The following DMXL2 variants were observed in gnomAD, a reference collection of about 807,000 sequenced individuals.
DMXL2 encodes the protein Dmx like 2.
Under a neutral mutation model 331.1 loss-of-function variants are expected in DMXL2, and 103 were observed. That is an observed-to-expected ratio of 0.31 (90% CI 0.27 to 0.37). DMXL2 has a LOEUF of 0.37. DMXL2 is among the 10% of genes least tolerant of loss of function. The pLI is 1.00. For missense variants in DMXL2, 3,171 were observed against 3,642.9 expected (o/e 0.87, Z 3.33); for synonymous variants, 1,281 against 1,252.1 (o/e 1.02, Z -0.49).
At chr15:51,601,066 C>T (rs150844056) in intron 1 of DMXL2, among the ~76,000 whole-genome samples, 3,906 of 151,996 alleles carry the variant, frequency 0.026, 170 homozygotes, top group African/African-American at 0.089. Context: ...CCGAGGCGGG[C>T]GGATCACAAG....
intron 13 of DMXL2, among the ~76,000 whole-genome samples, chr15:51,525,524 C>A (rs1053642834): frequency 6.6e-6 from 1 of 152,112 alleles, no homozygotes; most frequent in Non-Finnish European, 1.5e-5. Flanking sequence ...CTGGCTCTTA[C>A]AGCATTTCTG....
chr15:51,478,389 T>C, intron 25 of DMXL2, 42 bp from the exon 26 acceptor site: 1 of 1,542,394 alleles, frequency 6.5e-7, no homozygotes, highest in Non-Finnish European at 8.9e-7. Context: ...TACTAACATT[T>C]CTACACAACA....
At chr15:51,450,837 T>C (rs2039069648) in intron 42 of DMXL2, among the ~76,000 whole-genome samples, 1 of 152,258 alleles carries the variant, frequency 6.6e-6, no homozygotes, top group Non-Finnish European at 1.5e-5. Flanking sequence ...CAAATTAACA[T>C]GCAGAAAATC....
chr15:51,542,579 T>A, intron 8 of DMXL2, 72 bp from the exon 9 acceptor site: 12 of 1,151,614 alleles, frequency 1.0e-5, no homozygotes, highest in Non-Finnish European at 1.3e-5. Context: ...TACTCTTAAT[T>A]ATTAAGAGGT....
chr15:51,500,740 A>G (rs1290573080), intron 17 of DMXL2, among the ~76,000 whole-genome samples: 1 of 152,206 alleles, frequency 6.6e-6, no homozygotes, highest in Non-Finnish European at 1.5e-5. Context: ...AAACAGACCA[A>G]TAGATCTTAC....
chr15:51,483,450 T>C (rs1475135489), intron 23 of DMXL2, among the ~76,000 whole-genome samples: 1 of 152,136 alleles, frequency 6.6e-6, no homozygotes, highest in Non-Finnish European at 1.5e-5. Context: ...GGCAGGGAAA[T>C]CAACCCCTAC....
chr15:51,482,352 T>C (rs1332189209), intron 23 of DMXL2, among the ~76,000 whole-genome samples: 1 of 152,144 alleles, frequency 6.6e-6, no homozygotes, highest in Non-Finnish European at 1.5e-5. Flanking sequence ...TATATGCACA[T>C]AGATAGCAAA....
chr15:51,541,835 TA>T (rs1022630693), intron 9 of DMXL2, among the ~76,000 whole-genome samples: 1 of 152,054 alleles, frequency 6.6e-6, no homozygotes, highest in African/African-American at 2.4e-5. Flanking sequence ...CTCAGTCACA[TA>T]GGGGAAAAAG....
In DMXL2 at chr15:51,480,178, A is replaced by T. The variant is rs2041906341; in HGVS notation, c.6565-39T>A. 6 of 1,467,884 alleles carry T rather than the reference A, an allele frequency of 4.1e-6. No homozygotes were observed. The Admixed American group carries it at 6.8e-5, about 17-fold the overall frequency. The allele number at this position is 1,467,884 out of a possible 1,614,324, so 90.9% of individuals were successfully genotyped here. On this transcript the variant is annotated intron_variant, in intron 24 of 43. Coordinates refer to ENST00000560891, the MANE Select transcript of DMXL2 (RefSeq NM_001378457.1). ...TGAATTATTTTTTTCAAAGTAGTTT[A>T]AAAAATTTTATCAGTTCTCTGACAG...
intron 42 of DMXL2, chr15:51,450,566 G>T: frequency 3.8e-6 from 2 of 528,510 alleles, no homozygotes; most frequent in Non-Finnish European, 6.8e-6. Context: ...AATATGAAAT[G>T]AACACAGAGA....
chr15:51,454,686 G>A (rs185438279), intron 40 of DMXL2, among the ~76,000 whole-genome samples: 2 of 152,108 alleles, frequency 1.3e-5, no homozygotes, highest in East Asian at 3.9e-4. Context: ...TAGTAGAGAG[G>A]GGGTTTCACC....
intron 1 of DMXL2, among the ~76,000 whole-genome samples, chr15:51,585,358 A>G (rs1267801949): frequency 6.6e-6 from 1 of 150,440 alleles, no homozygotes; most frequent in Non-Finnish European, 1.5e-5. Context: ...AATTTTGTCA[A>G]AGGCTTTTTC....
At chr15:51,545,195 C>G (rs2048824283) in intron 8 of DMXL2, among the ~76,000 whole-genome samples, 1 of 151,982 alleles carries the variant, frequency 6.6e-6, no homozygotes, top group Admixed American at 6.6e-5. Context: ...AGATTTTAAT[C>G]TTTATGAAAC....
At chr15:51,597,258 T>A (rs2141285019) in intron 1 of DMXL2, among the ~76,000 whole-genome samples, 1 of 152,264 alleles carries the variant, frequency 6.6e-6, no homozygotes, top group South Asian at 2.1e-4. Context: ...ACTCAAAAGA[T>A]TATCTGTCCC....
At chr15:51,520,423 T>G (rs1171038112) in intron 13 of DMXL2, among the ~76,000 whole-genome samples, 1 of 152,216 alleles carries the variant, frequency 6.6e-6, no homozygotes. Context: ...ACATTTTGTT[T>G]TATTTTAAAC....
intron 15 of DMXL2, among the ~76,000 whole-genome samples, chr15:51,508,922 A>G (rs943644059): frequency 4.6e-5 from 7 of 152,256 alleles, no homozygotes; most frequent in African/African-American, 1.4e-4. Context: ...TTTAAGATCA[A>G]TAATATTCAA....
intron 1 of DMXL2, among the ~76,000 whole-genome samples, chr15:51,580,873 A>G (rs2051362591): frequency 6.6e-6 from 1 of 151,250 alleles, no homozygotes; most frequent in African/African-American, 2.5e-5. Flanking sequence ...TCCTATTAGG[A>G]AAGAGAAAAG....
chr15:51,536,995 C>T lies in DMXL2; in HGVS notation c.1618-133G>A, dbSNP rs1043639027. 4.2e-5 allele frequency: 32 copies of T among 758,662 alleles called. No homozygotes were observed. In the African/African-American group the frequency reaches 4.9e-4, roughly 12 times the overall value. The allele number at this position is 758,662 out of a possible 1,614,324, so 47.0% of individuals were successfully genotyped here. On this transcript the variant is annotated intron_variant, in intron 11 of 43. Coordinates refer to ENST00000560891, the MANE Select transcript of DMXL2 (RefSeq NM_001378457.1). ...TTTCAACCTCTTTATGGTCCAGTCC[C>T]CTTGCTCTATTTAGGTAATACCATA...
At chr15:51,508,602 G>C (rs1165218002) in intron 15 of DMXL2, among the ~76,000 whole-genome samples, 1 of 152,102 alleles carries the variant, frequency 6.6e-6, no homozygotes, top group Non-Finnish European at 1.5e-5. Flanking sequence ...GTATATTATA[G>C]TTCATTAAAG....
Sources: allele counts gnomAD v4.1 joint callset (sites outside exome capture counted in the v4.1 genomes callset), GRCh38; gene constraint gnomAD v4.1.1; transcripts MANE v1.5; gene names NCBI Gene and HGNC (gene_info 2026-07-23, HGNC 2026-07-21).